The following HIVEP1 variants were observed in gnomAD, a reference collection of about 807,000 sequenced individuals.
HIVEP1 encodes HIVEP zinc finger 1.
HIVEP1 carries 36 observed loss-of-function variants against 180.0 expected under a neutral mutation model. The ratio of observed to expected loss-of-function variants is 0.20; its 90% CI spans 0.15 to 0.26. HIVEP1 has a LOEUF of 0.26. HIVEP1 is among the 10% of genes least tolerant of loss of function. The pLI is 1.00. For synonymous variants in HIVEP1, 1,239 were observed against 1,239.0 expected (o/e 1.00, Z 0.00); for missense variants, 3,143 against 3,268.7 (o/e 0.96, Z 0.94).
At chr6:12,184,601 C>T in the HIVEP1 span, among the ~76,000 whole-genome samples, 1 of 152,158 alleles carries the variant, frequency 6.6e-6, no homozygotes, top group Non-Finnish European at 1.5e-5. Flanking sequence ...TCCATTTTCC[C>T]TTTCATTTGC....
intron 2 of HIVEP1, among the ~76,000 whole-genome samples, chr6:12,088,652 C>G (rs1256668091): frequency 1.3e-5 from 2 of 152,088 alleles, no homozygotes; most frequent in African/African-American, 4.8e-5. Flanking sequence ...GAATGCAGTA[C>G]TCTGTCCTCA....
chr6:12,187,938 G>A, the HIVEP1 span, among the ~76,000 whole-genome samples: 10 of 152,038 alleles, frequency 6.6e-5, no homozygotes, highest in Non-Finnish European at 1.5e-4. Flanking sequence ...CTTTACAGCA[G>A]CACAAACAGA....
the HIVEP1 span, among the ~76,000 whole-genome samples, chr6:12,199,313 G>A: frequency 6.6e-6 from 1 of 150,394 alleles, no homozygotes; most frequent in Non-Finnish European, 1.5e-5. Flanking sequence ...TTATAGCAAT[G>A]TGAGAACGGA....
chr6:12,013,945 C>G (rs1298769631), intron 1 of HIVEP1, among the ~76,000 whole-genome samples: 2 of 152,152 alleles, frequency 1.3e-5, no homozygotes, highest in African/African-American at 2.4e-5. Context: ...CCTTCTGTTT[C>G]TTTGCTGTAA....
chr6:12,140,531 A>G (rs1447146620), intron 7 of HIVEP1, among the ~76,000 whole-genome samples: 1 of 152,260 alleles, frequency 6.6e-6, no homozygotes, highest in African/African-American at 2.4e-5. Flanking sequence ...TGATGAGCTG[A>G]CAGAAGTAGG....
At chr6:12,096,889 C>A (rs1317437954) in intron 3 of HIVEP1, among the ~76,000 whole-genome samples, 1 of 151,826 alleles carries the variant, frequency 6.6e-6, no homozygotes, top group Non-Finnish European at 1.5e-5. Context: ...AATGTCAATA[C>A]CATAAGAGAG....
chr6:12,176,058 A>C, the HIVEP1 span, among the ~76,000 whole-genome samples: 1 of 152,122 alleles, frequency 6.6e-6, no homozygotes, highest in African/African-American at 2.4e-5. Flanking sequence ...CTGCCTCTGC[A>C]TCTCCAGTTC....
At chr6:12,150,515 C>A (rs220019) in intron 7 of HIVEP1, among the ~76,000 whole-genome samples, 150,131 of 152,362 alleles carry the variant, frequency 0.99, 73,972 homozygotes, top group East Asian at 1. Flanking sequence ...AATTTAGGTG[C>A]ATTTTTAAAA....
the HIVEP1 span, among the ~76,000 whole-genome samples, chr6:12,192,074 T>C: frequency 6.6e-6 from 1 of 152,224 alleles, no homozygotes; most frequent in East Asian, 1.9e-4. Flanking sequence ...TATGACTGAC[T>C]TCTTAAGTGT....
At chr6:12,103,168 C>T (rs191443485) in intron 3 of HIVEP1, among the ~76,000 whole-genome samples, 3 of 136,642 alleles carry the variant, frequency 2.2e-5, no homozygotes, top group East Asian at 4.6e-4. Flanking sequence ...TTGCAACCAG[C>T]GATGGTGTTG....
At chr6:12,083,595 G>A (rs1322978410) in intron 2 of HIVEP1, among the ~76,000 whole-genome samples, 1 of 152,102 alleles carries the variant, frequency 6.6e-6, no homozygotes, top group Non-Finnish European at 1.5e-5. Flanking sequence ...GAGATGTCAG[G>A]GAAGGCTGCC....
chr6:12,044,943 C>T (rs1247090598), intron 2 of HIVEP1, among the ~76,000 whole-genome samples: 6 of 152,212 alleles, frequency 3.9e-5, no homozygotes, highest in East Asian at 1.9e-4. Context: ...TTGGAGCCTC[C>T]GCTGTGATGC....
chr6:12,034,280 T>A (rs951661001), intron 2 of HIVEP1, among the ~76,000 whole-genome samples: 7 of 152,248 alleles, frequency 4.6e-5, no homozygotes, highest in African/African-American at 1.7e-4. Context: ...TGTAACAGAT[T>A]TATAAAAATG....
Position 12,115,377 on chromosome 6 carries a change from T to TTA in HIVEP1, c.95-4513_95-4512insTA, listed in dbSNP as rs398000485. ...TTTTTTTTTTTTTTTTTTTTTTTTT[T>TTA]AACAAAGTGGCCCCTGTGGTCTTTC... On this transcript the variant is annotated intron_variant, in intron 3 of 8. Transcript: ENST00000379388. Among the ~76,000 whole-genome samples the TTA allele has an allele frequency of 8.7e-5, 11 of 125,774 alleles. No individual in the cohort carries two copies. In the East Asian group the frequency reaches 1.1e-3, roughly 13 times the overall value. 82.5% of individuals were successfully genotyped at this position (125,774 alleles called of 152,430 possible).
chr6:12,073,440 T>C (rs1772119721), intron 2 of HIVEP1, among the ~76,000 whole-genome samples: 1 of 152,204 alleles, frequency 6.6e-6, no homozygotes, highest in Non-Finnish European at 1.5e-5. Context: ...GGATTTCCGC[T>C]CACTGTACCT....
Position 12,122,378 on chromosome 6 carries a change from A to G in HIVEP1, c.2583A>G (p.Leu861=), listed in dbSNP as rs772961993. 6.2e-7 allele frequency: 1 copy of G among 1,614,180 alleles called. No homozygotes were observed. The highest frequency in any genetic ancestry group is 1.1e-5 in the South Asian group (1 of 91,084). The stretch of plus-strand genomic sequence containing the variant: ...ATATAATACCTCCTCCTCATCCACT[A>G]AGAGGAAGTCAGTCATTTGATGACA... The part of the protein sequence containing the change: ...PANIIPPPHP[L]RGSQSFDDKI... Residue 861 remains leucine (L), a synonymous_variant, in exon 4 of 9, where the codon CTA becomes CTG. Transcript: ENST00000379388.
intron 3 of HIVEP1, among the ~76,000 whole-genome samples, chr6:12,104,225 A>T (rs903542539): frequency 5.9e-5 from 9 of 152,036 alleles, no homozygotes; most frequent in Admixed American, 2.0e-4. Context: ...CATTTTTAAC[A>T]ATTTTTAGAC....
intron 2 of HIVEP1, among the ~76,000 whole-genome samples, chr6:12,075,060 A>G (rs548000814): frequency 3.9e-5 from 6 of 152,286 alleles, no homozygotes; most frequent in African/African-American, 1.2e-4. Flanking sequence ...GTACAGTGAA[A>G]CCTGTGTCTT....
chr6:12,167,650 T>C (rs1562023661), downstream of HIVEP1, among the ~76,000 whole-genome samples: 554 of 106,218 alleles, frequency 5.2e-3, 15 homozygotes, highest in Middle Eastern at 8.5e-3. Context: ...CATATACATA[T>C]ATATGTTATA....
Sources: allele counts gnomAD v4.1 joint callset (sites outside exome capture counted in the v4.1 genomes callset), GRCh38; gene constraint gnomAD v4.1.1; transcripts MANE v1.5; gene names NCBI Gene and HGNC (gene_info 2026-07-23, HGNC 2026-07-21).